The following ATF6 variants were observed in gnomAD, a reference collection of about 807,000 sequenced individuals.
ATF6 encodes cyclic AMP-dependent transcription factor ATF-6 alpha.
A neutral mutation model predicts 83.6 loss-of-function variants in ATF6; 53 were observed. That is an observed-to-expected ratio of 0.63 (90% CI 0.51 to 0.80). ATF6 has a LOEUF of 0.80. ATF6 is among the 30% of genes least tolerant of loss of function. The probability of loss-of-function intolerance (pLI) is 0.00; values close to 1 mark genes in which losing one functional copy is unlikely to be tolerated. For synonymous variants in ATF6, 288 were observed against 285.8 expected (o/e 1.01, Z -0.08); for missense variants, 744 against 797.9 (o/e 0.93, Z 0.81).
intron 14 of ATF6, among the ~76,000 whole-genome samples, chr1:161,903,052 TTTAA>T (rs1196373650): frequency 5.3e-5 from 8 of 152,294 alleles, no homozygotes; most frequent in African/African-American, 1.7e-4. Flanking sequence ...ACTCATACCT[TTTAA>T]TTAAACTTTA....
intron 15 of ATF6, among the ~76,000 whole-genome samples, chr1:161,933,298 T>G (rs1290415175): frequency 6.6e-6 from 1 of 152,240 alleles, no homozygotes; most frequent in Non-Finnish European, 1.5e-5. Flanking sequence ...TCTGAAAATA[T>G]ATAAGGAAGT....
chr1:161,956,937 C>A (rs1688977625), intron 15 of ATF6, among the ~76,000 whole-genome samples: 1 of 152,130 alleles, frequency 6.6e-6, no homozygotes, highest in Non-Finnish European at 1.5e-5. Context: ...AACATGCACA[C>A]ACAAAACTTT....
chr1:161,819,324 TA>T (rs1211125323), intron 7 of ATF6, among the ~76,000 whole-genome samples: 1 of 152,184 alleles, frequency 6.6e-6, no homozygotes, highest in Non-Finnish European at 1.5e-5. Context: ...GATGTATGTA[TA>T]TATGCATATA....
chr1:161,806,024 A>T (rs1330481534), intron 7 of ATF6, among the ~76,000 whole-genome samples: 1 of 151,732 alleles, frequency 6.6e-6, no homozygotes, highest in South Asian at 2.1e-4. Context: ...ATTATATCTT[A>T]CTCTTCCTGT....
intron 1 of ATF6, among the ~76,000 whole-genome samples, chr1:161,775,904 A>G (rs1305497668): frequency 6.6e-6 from 1 of 152,018 alleles, no homozygotes; most frequent in African/African-American, 2.4e-5. Flanking sequence ...GTGTATATAT[A>G]TATATATGTG....
chr1:161,884,634 C>G (rs1372940554), intron 14 of ATF6, among the ~76,000 whole-genome samples: 1 of 151,972 alleles, frequency 6.6e-6, no homozygotes, highest in East Asian at 1.9e-4. Flanking sequence ...CATTACGTTC[C>G]TGGCTGTTAA....
At chr1:161,894,521 CTTTTTTTTT>C (rs71093131) in intron 14 of ATF6, among the ~76,000 whole-genome samples, 79 of 44,832 alleles carry the variant, frequency 1.8e-3, no homozygotes, top group African/African-American at 5.0e-3. Context: ...GTTTTGTAGT[CTTTTTTTTT>C]TTTTTTTTTT....
Position 161,822,196 on chromosome 1 carries a change from G to C in ATF6, c.1187+1035G>C, listed in dbSNP as rs146308576. Among the ~76,000 whole-genome samples, 327 of 152,272 alleles carry C rather than the reference G, an allele frequency of 2.1e-3. 1 individual carries two copies. The highest frequency in any genetic ancestry group is 0.011 in the South Asian group (51 of 4,818). ...GACTGACAGACAGATAATGTTAGTG[G>C]TGTAGATGAGATTATCCAAGGAGAA... is the stretch of plus-strand genomic sequence containing the variant. On this transcript the variant is annotated intron_variant, in intron 9 of 15. Coordinates refer to ENST00000367942, the MANE Select transcript of ATF6 (RefSeq NM_007348.4).
At chr1:161,785,075 T>C (rs559726667) in intron 4 of ATF6, among the ~76,000 whole-genome samples, 1 of 152,320 alleles carries the variant, frequency 6.6e-6, no homozygotes, top group South Asian at 2.1e-4. Flanking sequence ...TATCCCCTCC[T>C]ACTTCCACAT....
intron 8 of ATF6, among the ~76,000 whole-genome samples, chr1:161,820,270 C>G (rs1685720721): frequency 6.6e-6 from 1 of 152,152 alleles, no homozygotes; most frequent in African/African-American, 2.4e-5. Flanking sequence ...TTGCTGTTTT[C>G]AGAATTTCTC....
chr1:161,772,494 C>T (rs1328001389), intron 1 of ATF6, among the ~76,000 whole-genome samples: 1 of 152,200 alleles, frequency 6.6e-6, no homozygotes, highest in Non-Finnish European at 1.5e-5. Context: ...CAGTCTCCCA[C>T]TACCTCATTT....
rs1689147131 is a variant in ATF6 at position 161,963,572 on chromosome 1, G to C, written c.*4918G>C. The C allele has an allele frequency of 6.6e-6, 1 of 152,164 alleles. No individual in the cohort carries two copies. Among genetic ancestry groups the C allele is most frequent in the Non-Finnish European group, 1.5e-5 (1 of 68,036 alleles). 9.4% of individuals were successfully genotyped at this position (152,164 alleles called of 1,614,324 possible). Reference sequence around the variant, plus strand: ...TCAATGAAGTTGAATAAACCAGGAGGCTTGGCATATCCCCTTTATGTTAAT... The same window carrying C: ...TCAATGAAGTTGAATAAACCAGGAGCCTTGGCATATCCCCTTTATGTTAAT... On this transcript the variant is annotated 3_prime_UTR_variant, in exon 16 of 16. Transcript: ENST00000367942.
At chr1:161,913,176 T>A (rs1456711272) in intron 15 of ATF6, among the ~76,000 whole-genome samples, 2 of 152,184 alleles carry the variant, frequency 1.3e-5, no homozygotes, top group Non-Finnish European at 2.9e-5. Context: ...TTGGCCATCT[T>A]TTTCAAGTTT....
chr1:161,850,406 C>T (rs1460157858), intron 10 of ATF6, among the ~76,000 whole-genome samples: 4 of 151,982 alleles, frequency 2.6e-5, no homozygotes, highest in African/African-American at 2.4e-5. Flanking sequence ...TCTATAGAGG[C>T]GGCGTCTTCT....
intron 15 of ATF6, among the ~76,000 whole-genome samples, chr1:161,924,439 T>C (rs1442711329): frequency 6.6e-6 from 1 of 152,172 alleles, no homozygotes; most frequent in Non-Finnish European, 1.5e-5. Flanking sequence ...ACATTGAAAA[T>C]ATAAATGCAG....
At chr1:161,951,870 A>G (rs1339316034) in intron 15 of ATF6, among the ~76,000 whole-genome samples, 2 of 152,130 alleles carry the variant, frequency 1.3e-5, no homozygotes, top group Non-Finnish European at 2.9e-5. Context: ...TTGTGGATCC[A>G]TTTTGTGGTG....
intron 3 of ATF6, among the ~76,000 whole-genome samples, chr1:161,782,755 T>C (rs1172350705): frequency 6.6e-6 from 1 of 152,076 alleles, no homozygotes; most frequent in African/African-American, 2.4e-5. Flanking sequence ...TTTGCCTTCA[T>C]AGAATGTGGG....
chr1:161,877,994 T>G (rs1000221352), intron 14 of ATF6, among the ~76,000 whole-genome samples: 2 of 152,102 alleles, frequency 1.3e-5, no homozygotes, highest in Non-Finnish European at 2.9e-5. Flanking sequence ...TTGGATACAT[T>G]TAAATTTGAA....
chr1:161,882,389 AAG>A (rs900127649), intron 14 of ATF6, among the ~76,000 whole-genome samples: 6 of 152,252 alleles, frequency 3.9e-5, no homozygotes, highest in Admixed American at 2.0e-4. Context: ...AAAGTGAACA[AAG>A]AACTAAAAAT....
Sources: gnomAD v4.1 joint callset for allele counts (sites outside exome capture counted in the v4.1 genomes callset) on GRCh38, gnomAD v4.1.1 for gene constraint, MANE v1.5 for transcripts, NCBI Gene and HGNC (gene_info 2026-07-23, HGNC 2026-07-21) for gene names.